Variants in RXFP1 observed in about 807,000 individuals in gnomAD.
RXFP1 encodes relaxin family peptide receptor 1.
Under a neutral mutation model 89.8 loss-of-function variants are expected in RXFP1, and 73 were observed. The observed-to-expected ratio is 0.81, with a 90% confidence interval of 0.67 to 0.99. RXFP1 has a LOEUF of 0.99. Among genes scored for constraint, RXFP1 ranks in the 50% least tolerant of loss-of-function variants. RXFP1 has a pLI of 0.00. For missense variants in RXFP1, 793 were observed against 895.5 expected (o/e 0.89, Z 1.46); for synonymous variants, 277 against 305.5 (o/e 0.91, Z 0.97).
intron 9 of RXFP1, among the ~76,000 whole-genome samples, chr4:158,625,671 C>T (rs1026000060): frequency 3.3e-5 from 5 of 152,106 alleles, no homozygotes; most frequent in African/African-American, 1.2e-4. Flanking sequence ...TAATGCAGCA[C>T]CTAAAATAAA....
chr4:158,567,624 A>G (rs975470657), intron 1 of RXFP1, among the ~76,000 whole-genome samples: 1 of 152,136 alleles, frequency 6.6e-6, no homozygotes, highest in African/African-American at 2.4e-5. Flanking sequence ...GAATGCACCA[A>G]TCAGCACTCT....
chr4:158,628,602 A>G, intron 10 of RXFP1, 36 bp from the exon 11 acceptor site: 5 of 1,052,900 alleles, frequency 4.7e-6, no homozygotes, highest in Non-Finnish European at 7.3e-6. Context: ...TCGGTTACCT[A>G]AAGAAGTTAC....
intron 8 of RXFP1, 100 bp from the exon 9 acceptor site, chr4:158,617,031 T>G: frequency 6.8e-6 from 5 of 740,030 alleles, no homozygotes; most frequent in South Asian, 2.4e-5. Context: ...ACTAATTTAG[T>G]GGATTTGTGG....
At chr4:158,646,590 A>G in intron 15 of RXFP1, 1 of 1,399,014 alleles carries the variant, frequency 7.1e-7, no homozygotes, top group South Asian at 1.7e-5. Flanking sequence ...AACTGTAGAG[A>G]GTAACTTTGA....
At chr4:158,547,484 C>T (rs1269728898) in intron 1 of RXFP1, among the ~76,000 whole-genome samples, 2 of 151,818 alleles carry the variant, frequency 1.3e-5, no homozygotes, top group Non-Finnish European at 2.9e-5. Flanking sequence ...TTTCTTGCTT[C>T]CTGCTAGCTT....
At chr4:158,631,465 G>A (rs551367681) in intron 11 of RXFP1, among the ~76,000 whole-genome samples, 24 of 152,294 alleles carry the variant, frequency 1.6e-4, no homozygotes, top group South Asian at 8.3e-4. Flanking sequence ...AAGAACTCAC[G>A]TTTCAGAAAG....
chr4:158,569,458 TC>T (rs1398892014), intron 1 of RXFP1, among the ~76,000 whole-genome samples: 4 of 152,186 alleles, frequency 2.6e-5, no homozygotes, highest in Non-Finnish European at 5.9e-5. Context: ...TGTAGGTTCA[TC>T]AACTGCAACA....
intron 4 of RXFP1, among the ~76,000 whole-genome samples, chr4:158,603,294 GAT>G (rs1762020063): frequency 6.6e-6 from 1 of 152,100 alleles, no homozygotes; most frequent in African/African-American, 2.4e-5. Flanking sequence ...ATTTAAACAG[GAT>G]ATAAGCAGAA....
intron 6 of RXFP1, among the ~76,000 whole-genome samples, chr4:158,609,328 C>A (rs1465456596): frequency 6.6e-6 from 1 of 150,774 alleles, no homozygotes; most frequent in Non-Finnish European, 1.5e-5. Context: ...TCCTCACCAA[C>A]GTTTGTGTTC....
At chr4:158,642,755 G>A (rs954836563) in intron 14 of RXFP1, among the ~76,000 whole-genome samples, 1 of 152,114 alleles carries the variant, frequency 6.6e-6, no homozygotes. Flanking sequence ...GTTTGTATGG[G>A]GTAATTCCTG....
chr4:158,533,281 T>G (rs192201595), intron 1 of RXFP1, among the ~76,000 whole-genome samples: 213 of 152,302 alleles, frequency 1.4e-3, no homozygotes, highest in African/African-American at 4.9e-3. Flanking sequence ...TCAGGAAAGT[T>G]TTTTTGTGCT....
intron 1 of RXFP1, among the ~76,000 whole-genome samples, chr4:158,536,750 G>A (rs545169422): frequency 3.9e-5 from 6 of 152,150 alleles, no homozygotes; most frequent in African/African-American, 1.4e-4. Context: ...AAGATTAGTG[G>A]TTTGCCTTCA....
At chr4:158,594,609 T>C (rs1006821194) in intron 3 of RXFP1, among the ~76,000 whole-genome samples, 1 of 152,132 alleles carries the variant, frequency 6.6e-6, no homozygotes, top group African/African-American at 2.4e-5. Context: ...ATAGATAGGA[T>C]GTTTTGTTTT....
rs543244433 is a variant in RXFP1, at chr4:158,623,018, G to A, written c.756-3802G>A. ...TGTAATTGCAAACAAAAGAAAGCAG[G>A]CATCATATATTTTATCTAAGTAGGT... On this transcript the variant is annotated intron_variant, in intron 9 of 17. Coordinates refer to ENST00000307765, the MANE Select transcript of RXFP1 (RefSeq NM_021634.4). Among the ~76,000 whole-genome samples, 67 of 152,164 alleles carry A rather than the reference G, an allele frequency of 4.4e-4. 1 individual carries two copies. Among genetic ancestry groups the A allele is most frequent in the African/African-American group, 1.6e-3 (65 of 41,508 alleles).
intron 16 of RXFP1, 35 bp from the exon 17 acceptor site, chr4:158,648,464 C>T: frequency 8.3e-7 from 1 of 1,210,202 alleles, no homozygotes; most frequent in Non-Finnish European, 1.2e-6. Flanking sequence ...AGAAATATTT[C>T]TATGCATTAA....
chr4:158,540,960 T>C (rs1579435009), intron 1 of RXFP1, among the ~76,000 whole-genome samples: 1 of 152,250 alleles, frequency 6.6e-6, no homozygotes, highest in Non-Finnish European at 1.5e-5. Context: ...AAAATTAAAC[T>C]TACCGGCAAG....
intron 2 of RXFP1, among the ~76,000 whole-genome samples, chr4:158,591,815 A>G (rs1417304944): frequency 6.6e-6 from 1 of 152,182 alleles, no homozygotes; most frequent in African/African-American, 2.4e-5. Flanking sequence ...AACTTACAGA[A>G]ATAGGACAAA....
intron 2 of RXFP1, among the ~76,000 whole-genome samples, chr4:158,588,296 C>A (rs1342033803): frequency 6.6e-6 from 1 of 152,154 alleles, no homozygotes; most frequent in Non-Finnish European, 1.5e-5. Context: ...TTCCGCCGTA[C>A]TTTAATCCAA....
At chr4:158,627,507 GTGT>G (rs1561161742) in intron 10 of RXFP1, among the ~76,000 whole-genome samples, 136 of 3,920 alleles carry the variant, frequency 0.035, no homozygotes, top group East Asian at 0.19. Flanking sequence ...GCCTTAGGGT[GTGT>G]GTGTGTGTGT....
Sources: gnomAD v4.1 joint callset for allele counts (sites outside exome capture counted in the v4.1 genomes callset) on GRCh38, gnomAD v4.1.1 for gene constraint, MANE v1.5 for transcripts, NCBI Gene and HGNC (gene_info 2026-07-23, HGNC 2026-07-21) for gene names.